The following CES5A variants were observed in gnomAD, a reference collection of about 807,000 sequenced individuals.
CES5A encodes carboxylesterase 5A.
Under a neutral mutation model 62.9 loss-of-function variants are expected in CES5A, and 67 were observed. That is an observed-to-expected ratio of 1.07 (90% CI 0.88 to 1.31). The LOEUF (loss-of-function observed/expected upper bound fraction) is 1.31. Ranked by LOEUF, CES5A falls within the 50% of genes most tolerant of loss-of-function variation. CES5A has a pLI of 0.00. For missense variants in CES5A, 748 were observed against 708.5 expected (o/e 1.06, Z -0.63); for synonymous variants, 296 against 280.8 (o/e 1.05, Z -0.54).
chr16:55,880,578 C>A (rs939832775), intron 1 of CES5A, among the ~76,000 whole-genome samples: 2 of 152,160 alleles, frequency 1.3e-5, no homozygotes, highest in African/African-American at 2.4e-5. Flanking sequence ...GAGACCTAGA[C>A]AGCAGACCCT....
intron 2 of CES5A, among the ~76,000 whole-genome samples, chr16:55,930,864 G>A (rs376493821): frequency 6.6e-5 from 10 of 152,274 alleles, no homozygotes; most frequent in Admixed American, 1.3e-4. Flanking sequence ...CCCTTGAGAA[G>A]GGGAATGGAG....
chr16:55,880,629 G>A lies in CES5A; in HGVS notation c.-255-6592C>T, dbSNP rs539131161. On this transcript the variant is annotated intron_variant, in intron 1 of 12. Transcript: ENST00000518005. Reference sequence around the variant, plus strand: ...ACTGGATCTCCCCCCTAGTCAGACAGCATCCTGTTACTAAGACTGTCAGTG... The same window carrying A: ...ACTGGATCTCCCCCCTAGTCAGACAACATCCTGTTACTAAGACTGTCAGTG... 3.2e-4 allele frequency among the ~76,000 whole-genome samples: 49 copies of A among 152,314 alleles called. 1 individual carries two copies. In the South Asian group the frequency reaches 9.7e-3, roughly 30 times the overall value.
At chr16:55,901,661 A>T (rs1567347273) in intron 1 of CES5A, among the ~76,000 whole-genome samples, 3 of 152,196 alleles carry the variant, frequency 2.0e-5, no homozygotes, top group Non-Finnish European at 2.9e-5. Flanking sequence ...ACTGAGCACC[A>T]GCCATAGTGG....
chr16:55,866,956 A>G (rs1365283161), intron 4 of CES5A, among the ~76,000 whole-genome samples: 1 of 152,120 alleles, frequency 6.6e-6, no homozygotes, highest in East Asian at 1.9e-4. Flanking sequence ...CCTCACACCT[A>G]TGAGGTAGGT....
In CES5A at chr16:55,911,369, C is replaced by T. The variant is rs749018693; in HGVS notation, c.-256+13954G>A. Among the ~76,000 whole-genome samples, 10 of 152,288 alleles carry T rather than the reference C, an allele frequency of 6.6e-5. No individual in the cohort carries two copies. The East Asian group carries it at 1.9e-3, about 29-fold the overall frequency. ...CTACAAGGGAGGCTGGAAACACGCC[C>T]AGTTTAAAATCTATTAATAAGGACA... On this transcript the variant is annotated intron_variant, in intron 1 of 12. Transcript: ENST00000518005.
upstream of CES5A, among the ~76,000 whole-genome samples, chr16:55,926,197 A>G (rs958625686): frequency 1.3e-4 from 20 of 152,172 alleles, no homozygotes; most frequent in African/African-American, 4.6e-4. Context: ...ATCCTTACAA[A>G]TTATGTGAAT....
upstream of CES5A, among the ~76,000 whole-genome samples, chr16:55,876,095 C>T (rs1032327010): frequency 3.9e-5 from 6 of 152,196 alleles, no homozygotes; most frequent in African/African-American, 1.4e-4. Context: ...AAATTGTAGC[C>T]ATGACTGTCT....
At chr16:55,848,561 A>G (rs1432881164) in intron 11 of CES5A, among the ~76,000 whole-genome samples, 1 of 152,088 alleles carries the variant, frequency 6.6e-6, no homozygotes, top group Non-Finnish European at 1.5e-5. Context: ...GATGGTCTGC[A>G]GTTTTCTTGT....
intron 2 of CES5A, among the ~76,000 whole-genome samples, chr16:55,943,021 C>T (rs1332142362): frequency 1.3e-5 from 2 of 152,160 alleles, no homozygotes; most frequent in Non-Finnish European, 2.9e-5. Flanking sequence ...AGGTTGGCTA[C>T]AAATGAGCCC....
chr16:55,903,241 C>T (rs1021530240), intron 1 of CES5A, among the ~76,000 whole-genome samples: 3 of 152,120 alleles, frequency 2.0e-5, no homozygotes, highest in East Asian at 1.9e-4. Flanking sequence ...GGTGTCAACA[C>T]GCTTTCTACA....
intron 1 of CES5A, 115 bp from the exon 2 acceptor site, chr16:55,874,152 C>T: frequency 1.1e-6 from 1 of 905,460 alleles, no homozygotes; most frequent in Non-Finnish European, 1.7e-6. Context: ...AGTTGTGCAG[C>T]TGGTGGTATC....
rs755464791 is a variant in CES5A at position 55,866,006 on chromosome 16, G to A, written c.662C>T (p.Thr221Ile). 2 of 1,614,196 alleles carry A rather than the reference G, an allele frequency of 1.2e-6. No individual in the cohort carries two copies. The highest frequency in any genetic ancestry group is 1.7e-6 in the Non-Finnish European group (2 of 1,180,030). ...EFFGGDPSSV[T>I]IFGESAGAIS... The stretch of plus-strand genomic sequence containing the variant: ...GGCTCCCGCGGACTCGCCAAAGATG[G>A]TCACAGAGCTGGGGTCCCCACCGAA... Residue 221 changes from threonine to isoleucine, a missense_variant, in exon 5 of 13, where the codon ACC becomes ATC. By Grantham distance (89) the Thr-to-Ile change is moderately conservative. Transcript: ENST00000290567.
rs750308188 is a variant in CES5A at position 55,871,692 on chromosome 16, A to G, written c.350T>C (p.Val117Ala). 24 of 1,613,962 alleles carry G rather than the reference A, an allele frequency of 1.5e-5. No homozygotes were observed. The highest frequency in any genetic ancestry group is 1.9e-5 in the Non-Finnish European group (23 of 1,180,006). ...MLKVHYPKFGVSEDCLYLNIY... is the reference protein window; with the variant it reads ...MLKVHYPKFGASEDCLYLNIY... ...GTTCAGGTAGAGGCAGTCTTCTGAC[A>G]CTCCGAATTTCGGGTAATGCACCTT... Residue 117 changes from valine to alanine, a missense_variant, in exon 3 of 13, where the codon GTG becomes GCG. Physicochemically the swap from Val to Ala is moderately conservative, Grantham distance 64. Transcript: ENST00000290567.
In CES5A at chr16:55,869,807, T is replaced by C. The variant is rs2142409060; in HGVS notation, c.418-63A>G. 3.9e-6 allele frequency: 6 copies of C among 1,534,038 alleles called. 1 individual carries two copies. The highest frequency in any genetic ancestry group is 3.7e-5 in the South Asian group (3 of 81,366). On this transcript the variant is annotated intron_variant, in intron 3 of 12. Coordinates refer to ENST00000290567, the MANE Select transcript of CES5A (RefSeq NM_001143685.2). ...GCACCACCTCCCCTCCCCATGCAGT[T>C]TGAGGCACACGTTCTTAAGGTGAAA...
At chr16:55,951,911 TAGAG>T (rs1322689116) in intron 1 of CES5A, among the ~76,000 whole-genome samples, 1 of 152,262 alleles carries the variant, frequency 6.6e-6, no homozygotes, top group African/African-American at 2.4e-5. Flanking sequence ...CAGGGACAGT[TAGAG>T]AGAGTCTGAA....
upstream of CES5A, among the ~76,000 whole-genome samples, chr16:55,929,832 T>C (rs2034291359): frequency 6.6e-6 from 1 of 152,202 alleles, no homozygotes. Flanking sequence ...TTTTTTAAAA[T>C]ATTTTTAAAT....
chr16:55,930,198 T>C (rs1404451992), upstream of CES5A, among the ~76,000 whole-genome samples: 2 of 146,212 alleles, frequency 1.4e-5, no homozygotes, highest in Non-Finnish European at 1.5e-5. Flanking sequence ...CAGCAACCTG[T>C]CAGAACCCCC....
Position 55,859,677 on chromosome 16 carries a change from G to T in CES5A, c.926C>A (p.Ser309Tyr). ...AGCACCATCAACCACTCGAGTGAAA[G>T]ACTTTGTTTTCTGTAATAAGGAAGA... ...ELLTLSQKTK[S>Y]FTRVVDGAFF... The change falls in exon 8 of 13, where the codon TCT (serine) becomes TAT (tyrosine). Residue 309 changes from serine to tyrosine, a missense_variant. Transcript: ENST00000290567. 6.2e-7 allele frequency: 1 copy of T among 1,604,614 alleles called. No individual in the cohort carries two copies. The highest frequency in any genetic ancestry group is 8.5e-7 in the Non-Finnish European group (1 of 1,177,298).
intron 1 of CES5A, among the ~76,000 whole-genome samples, chr16:55,912,485 G>A (rs1285994396): frequency 6.6e-6 from 1 of 152,056 alleles, no homozygotes; most frequent in South Asian, 2.1e-4. Context: ...TGGAGGAGAA[G>A]GAGGAGGAGG....
Sources: allele counts gnomAD v4.1 joint callset (sites outside exome capture counted in the v4.1 genomes callset), GRCh38; gene constraint gnomAD v4.1.1; transcripts MANE v1.5; gene names NCBI Gene and HGNC (gene_info 2026-07-23, HGNC 2026-07-21).